SLC25A21: variants seen among roughly 807,000 people sequenced by gnomAD.
The protein encoded by SLC25A21 is solute carrier family 25 member 21.
SLC25A21 carries 47 observed loss-of-function variants against 43.8 expected under a neutral mutation model. The ratio of observed to expected loss-of-function variants is 1.07; its 90% CI spans 0.85 to 1.37. The LOEUF (loss-of-function observed/expected upper bound fraction) is 1.37. Among genes scored for constraint, SLC25A21 ranks in the 40% most tolerant of loss-of-function variants. The pLI, the probability that SLC25A21 is intolerant of heterozygous loss-of-function variation, is 0.00. For synonymous variants in SLC25A21, 131 were observed against 121.3 expected, an observed-to-expected ratio of 1.08 and a Z score of -0.52; for missense variants, 352 against 350.2, an observed-to-expected ratio of 1.00 and a Z score of -0.04.
At chr14:36,967,294 G>C (rs1653696609) in intron 1 of SLC25A21, among the ~76,000 whole-genome samples, 1 of 152,096 alleles carries the variant, frequency 6.6e-6, no homozygotes, top group African/African-American at 2.4e-5. Flanking sequence ...TTTCTTCTCT[G>C]GTCTTTACCT....
intron 1 of SLC25A21, among the ~76,000 whole-genome samples, chr14:36,982,472 T>C (rs2138701467): frequency 6.6e-6 from 1 of 152,252 alleles, no homozygotes; most frequent in South Asian, 2.1e-4. Context: ...CACAGGGCCA[T>C]CTAAGCAGTA....
chr14:36,680,843 G>A, intron 9 of SLC25A21, 124 bp from the exon 10 acceptor site: 1 of 661,432 alleles, frequency 1.5e-6, no homozygotes, highest in Non-Finnish European at 2.4e-6. Context: ...GGAATCAACA[G>A]TTCTGGAGCT....
intron 1 of SLC25A21, among the ~76,000 whole-genome samples, chr14:37,144,606 T>C (rs979711759): frequency 3.9e-5 from 6 of 152,140 alleles, no homozygotes; most frequent in Non-Finnish European, 8.8e-5. Flanking sequence ...GTTAATGAAA[T>C]CCAGGTTTGA....
intron 1 of SLC25A21, among the ~76,000 whole-genome samples, chr14:37,035,853 G>A (rs767546039): frequency 1.3e-5 from 2 of 152,186 alleles, no homozygotes; most frequent in Non-Finnish European, 2.9e-5. Context: ...TAACTTTGCT[G>A]TTTATGTACA....
chr14:36,812,824 C>A (rs1888319985), intron 3 of SLC25A21, among the ~76,000 whole-genome samples: 1 of 152,114 alleles, frequency 6.6e-6, no homozygotes, highest in African/African-American at 2.4e-5. Flanking sequence ...CCCAGCTCCA[C>A]TACTCACCAG....
chr14:36,779,609 CAT>C (rs35392668), intron 3 of SLC25A21, among the ~76,000 whole-genome samples: 4,456 of 122,310 alleles, frequency 0.036, 119 homozygotes, highest in African/African-American at 0.08. Context: ...TATGTGTATA[CAT>C]ATATATATAT....
intron 1 of SLC25A21, among the ~76,000 whole-genome samples, chr14:36,948,671 A>G (rs1892731822): frequency 2.6e-5 from 4 of 152,172 alleles, no homozygotes. Context: ...TATGTCAGCC[A>G]CTAGCCACAA....
At chr14:36,918,320 G>A (rs909971370) in intron 1 of SLC25A21, among the ~76,000 whole-genome samples, 2 of 152,128 alleles carry the variant, frequency 1.3e-5, no homozygotes, top group African/African-American at 4.8e-5. Flanking sequence ...AGAATCACAT[G>A]TTCTTACAGT....
At chr14:37,106,469 C>T (rs530022044) in intron 1 of SLC25A21, among the ~76,000 whole-genome samples, 1 of 152,192 alleles carries the variant, frequency 6.6e-6, no homozygotes, top group East Asian at 1.9e-4. Context: ...TACCCTCAGG[C>T]TTACTAAGGT....
chr14:37,122,341 T>A (rs1213601580), intron 1 of SLC25A21, among the ~76,000 whole-genome samples: 2 of 152,214 alleles, frequency 1.3e-5, no homozygotes, highest in Non-Finnish European at 2.9e-5. Flanking sequence ...AAACATAGTC[T>A]GGAAAACAGA....
intron 2 of SLC25A21, among the ~76,000 whole-genome samples, chr14:36,852,468 C>T (rs1015967354): frequency 1.2e-4 from 19 of 152,106 alleles, no homozygotes; most frequent in African/African-American, 4.6e-4. Context: ...AATGGAATTC[C>T]TAGGCATTAT....
intron 1 of SLC25A21, among the ~76,000 whole-genome samples, chr14:37,076,920 G>A (rs1466541553): frequency 1.3e-5 from 2 of 152,260 alleles, no homozygotes; most frequent in South Asian, 2.1e-4. Flanking sequence ...ATAAAGCAAC[G>A]TCTCTCTATT....
intron 7 of SLC25A21, among the ~76,000 whole-genome samples, chr14:36,691,178 A>G (rs986528378): frequency 1.3e-5 from 2 of 152,228 alleles, no homozygotes; most frequent in Non-Finnish European, 2.9e-5. Flanking sequence ...TGAGACTGCC[A>G]CATGTCAACC....
In SLC25A21 at chr14:36,864,495, C is replaced by T. The variant is rs187684007; in HGVS notation, c.119+10461G>A. On this transcript the variant is annotated intron_variant, in intron 2 of 9. Transcript: ENST00000331299. ...ACAGTATTGTGGTCCACCCACTACG[C>T]AGTACTTTCTTGCTTGGGCTTAGAA... Among the ~76,000 whole-genome samples the T allele has an allele frequency of 2.6e-5, 4 of 152,306 alleles. No individual in the cohort carries two copies. The East Asian group carries it at 7.7e-4, about 29-fold the overall frequency.
At chr14:36,885,629 T>C (rs1192073978) in intron 1 of SLC25A21, among the ~76,000 whole-genome samples, 2 of 152,208 alleles carry the variant, frequency 1.3e-5, no homozygotes, top group Non-Finnish European at 2.9e-5. Flanking sequence ...ATTGTCTTCA[T>C]GATACTGTTT....
intron 1 of SLC25A21, among the ~76,000 whole-genome samples, chr14:37,065,002 A>G (rs1291897741): frequency 6.6e-6 from 1 of 152,208 alleles, no homozygotes; most frequent in Non-Finnish European, 1.5e-5. Flanking sequence ...ACCTGCTCTT[A>G]AGGAACTTAT....
At chr14:36,903,234 T>C (rs537907927) in intron 1 of SLC25A21, among the ~76,000 whole-genome samples, 1 of 152,252 alleles carries the variant, frequency 6.6e-6, no homozygotes, top group African/African-American at 2.4e-5. Context: ...ACTCAAAATC[T>C]TCTCTTTCTT....
intron 3 of SLC25A21, among the ~76,000 whole-genome samples, chr14:36,797,740 T>A (rs1445726340): frequency 6.6e-6 from 1 of 152,130 alleles, no homozygotes. Context: ...ATTAAAGAAA[T>A]CAACACAAAA....
intron 3 of SLC25A21, among the ~76,000 whole-genome samples, chr14:36,762,451 G>A (rs549044054): frequency 1.3e-5 from 2 of 152,288 alleles, no homozygotes; most frequent in East Asian, 1.9e-4. Flanking sequence ...TTCTGGGAAC[G>A]GCAGCCATGA....
Sources: gnomAD v4.1 joint callset for allele counts (sites outside exome capture counted in the v4.1 genomes callset) on GRCh38, gnomAD v4.1.1 for gene constraint, MANE v1.5 for transcripts, NCBI Gene and HGNC (gene_info 2026-07-23, HGNC 2026-07-21) for gene names.